Variants in CNIH3 observed in about 807,000 individuals in gnomAD.
CNIH3 encodes protein cornichon homolog 3.
CNIH3 carries 14 observed loss-of-function variants against 24.1 expected under a neutral mutation model. The ratio of observed to expected loss-of-function variants is 0.58; its 90% CI spans 0.38 to 0.91. CNIH3 has a LOEUF of 0.91. Among genes scored for constraint, CNIH3 ranks in the 40% least tolerant of loss-of-function variants. The pLI is 0.00. For missense variants in CNIH3, 178 were observed against 196.8 expected, an observed-to-expected ratio of 0.90 and a Z score of 0.57; for synonymous variants, 68 against 73.8, an observed-to-expected ratio of 0.92 and a Z score of 0.40.
chr1:224,629,181 G>T (rs1247704028), intron 1 of CNIH3, among the ~76,000 whole-genome samples: 1 of 151,798 alleles, frequency 6.6e-6, no homozygotes, highest in Non-Finnish European at 1.5e-5. Context: ...TAATTTTTTT[G>T]TATTTTTAAT....
intron 2 of CNIH3, among the ~76,000 whole-genome samples, chr1:224,531,370 G>A (rs1442416895): frequency 6.6e-6 from 1 of 152,180 alleles, no homozygotes; most frequent in African/African-American, 2.4e-5. Context: ...TTATGAAGAG[G>A]TGCACTGTGT....
chr1:224,554,647 G>A (rs746131874), intron 3 of CNIH3, among the ~76,000 whole-genome samples: 31 of 151,790 alleles, frequency 2.0e-4, no homozygotes, highest in Non-Finnish European at 3.8e-4. Context: ...GCAGTGGTGT[G>A]ATCACGGCTT....
chr1:224,739,509 C>A lies in CNIH3; in HGVS notation c.*153C>A. Reference sequence around the variant, plus strand: ...AGACTGAATGGGAGCTGGAATCACGCAGCAGCTGGGAGCCGAGTTAACCCT... The same window carrying A: ...AGACTGAATGGGAGCTGGAATCACGAAGCAGCTGGGAGCCGAGTTAACCCT... On this transcript the variant is annotated 3_prime_UTR_variant, in exon 6 of 6. Coordinates refer to ENST00000272133, the MANE Select transcript of CNIH3 (RefSeq NM_152495.2). 7.0e-7 allele frequency: 1 copy of A among 1,427,764 alleles called. No homozygotes were observed. Among genetic ancestry groups the A allele is most frequent in the Non-Finnish European group, 9.5e-7 (1 of 1,054,612 alleles). 88.4% of individuals were successfully genotyped at this position (1,427,764 alleles called of 1,614,324 possible).
In CNIH3 at chr1:224,536,518, C is replaced by T. The variant is rs542231861; in HGVS notation, n.344-418C>T. On this transcript the variant is annotated intron_variant and non_coding_transcript_variant, in intron 2 of 2. Transcript: ENST00000470602. Reference sequence around the variant, plus strand: ...GTTGGTCGGGCTGGTCTCGAACTCCCGACCTCAGGTGATCTGCCCACCTCG... The same window carrying T: ...GTTGGTCGGGCTGGTCTCGAACTCCTGACCTCAGGTGATCTGCCCACCTCG... Among the ~76,000 whole-genome samples the T allele has an allele frequency of 1.4e-3, 219 of 151,956 alleles. 2 individuals carry two copies. The highest frequency in any genetic ancestry group is 1.7e-3 in the Non-Finnish European group (115 of 67,940).
At chr1:224,697,041 C>T (rs969336257) in intron 3 of CNIH3, among the ~76,000 whole-genome samples, 2 of 152,194 alleles carry the variant, frequency 1.3e-5, no homozygotes, top group African/African-American at 4.8e-5. Context: ...AAAGTTTAGT[C>T]AACACGAGAC....
chr1:224,533,041 A>G (rs1679135492), intron 2 of CNIH3, among the ~76,000 whole-genome samples: 1 of 152,172 alleles, frequency 6.6e-6, no homozygotes. Flanking sequence ...GGAGAAATTT[A>G]TGTGGGCTGG....
In CNIH3 at chr1:224,680,940, C is replaced by G. The variant is rs1254100134; in HGVS notation, c.82-18C>G. ...ACTCGTGTGCACTAACACCTCAAAT[C>G]TCTGTATTCTGTTTCAGATAATTGC... is the stretch of plus-strand genomic sequence containing the variant. On this transcript the variant is annotated intron_variant, in intron 1 of 5. Coordinates refer to ENST00000272133, the MANE Select transcript of CNIH3 (RefSeq NM_152495.2). The G allele has an allele frequency of 6.2e-7, 1 of 1,602,948 alleles. No individual in the cohort carries two copies. The highest frequency in any genetic ancestry group is 8.5e-7 in the Non-Finnish European group (1 of 1,170,004).
Position 224,604,639 on chromosome 1 carries a change from CA to C in CNIH3, n.402+38376del, listed in dbSNP as rs1349576724. ...GTTTAGCTAGAGGAGAGCAGAAGGCCAGAGGTGAAAGGAACAAGGACCAGTC... is the reference window on the plus strand; with the variant it reads ...GTTTAGCTAGAGGAGAGCAGAAGGCCGAGGTGAAAGGAACAAGGACCAGTC... On this transcript the variant is annotated intron_variant and non_coding_transcript_variant, in intron 3 of 7. Transcript: ENST00000478120. The surrounding 1 kb of genome is among the most constrained non-coding windows in gnomAD (Gnocchi z 4.4). Among the ~76,000 whole-genome samples, 1 of 152,098 alleles carries C rather than the reference CA, an allele frequency of 6.6e-6. No homozygotes were observed. Among genetic ancestry groups the C allele is most frequent in the Non-Finnish European group, 1.5e-5 (1 of 68,016 alleles).
At chr1:224,503,809 T>C (rs1023908816) in intron 1 of CNIH3, among the ~76,000 whole-genome samples, 3 of 152,204 alleles carry the variant, frequency 2.0e-5, no homozygotes, top group Non-Finnish European at 4.4e-5. Context: ...TGCCAACTAC[T>C]GTGGAATAAC....
At chr1:224,720,011 G>T (rs6426153) in intron 3 of CNIH3, among the ~76,000 whole-genome samples, 79,498 of 151,988 alleles carry the variant, frequency 0.52, 21,428 homozygotes, top group East Asian at 0.79. Flanking sequence ...CATTCGTCTT[G>T]TTCTTGCAGT....
At chr1:224,613,289 C>T (rs1682785744), upstream of CNIH3, among the ~76,000 whole-genome samples, 2 of 152,194 alleles carry the variant, frequency 1.3e-5, no homozygotes, top group South Asian at 4.1e-4. Context: ...GCATGAGCCA[C>T]AGTGCCTGAC....
At chr1:224,542,581 G>A (rs1679552211), downstream of CNIH3, among the ~76,000 whole-genome samples, 1 of 152,172 alleles carries the variant, frequency 6.6e-6, no homozygotes. Flanking sequence ...GAAAATAGCA[G>A]AAACAAATTC....
chr1:224,726,494 A>C (rs980614053), intron 3 of CNIH3, among the ~76,000 whole-genome samples: 8 of 152,238 alleles, frequency 5.3e-5, no homozygotes, highest in Non-Finnish European at 1.0e-4. Context: ...GCGTTTACAC[A>C]GTCCTTACCG....
intron 1 of CNIH3, among the ~76,000 whole-genome samples, chr1:224,675,770 A>G (rs575871815): frequency 2.9e-4 from 44 of 152,324 alleles, no homozygotes; most frequent in African/African-American, 1.1e-3. Context: ...AGCTGTAATG[A>G]TAACTCGACA....
intron 5 of CNIH3, among the ~76,000 whole-genome samples, chr1:224,738,091 T>G (rs1380345222): frequency 6.6e-6 from 1 of 152,220 alleles, no homozygotes; most frequent in East Asian, 1.9e-4. Context: ...GAGACCATGT[T>G]GGTTTCATTC....
chr1:224,542,242 C>G (rs1217895274), downstream of CNIH3, among the ~76,000 whole-genome samples: 1 of 152,196 alleles, frequency 6.6e-6, no homozygotes, highest in Non-Finnish European at 1.5e-5. Context: ...TAAATTCCAT[C>G]TATTTGTAGG....
At chr1:224,588,257 A>T (rs1681595537) in intron 5 of CNIH3, 1 of 152,188 alleles carries the variant, frequency 6.6e-6, no homozygotes, top group Admixed American at 6.5e-5. Flanking sequence ...ATCTCACTGA[A>T]TATTTGTTGA....
intron 3 of CNIH3, among the ~76,000 whole-genome samples, chr1:224,565,149 A>T (rs536653463): frequency 6.6e-6 from 1 of 152,326 alleles, no homozygotes; most frequent in East Asian, 1.9e-4. Flanking sequence ...GTCTCCTCTT[A>T]ATATATAATG....
intron 1 of CNIH3, among the ~76,000 whole-genome samples, chr1:224,620,484 G>A (rs1399832797): frequency 1.3e-5 from 2 of 152,176 alleles, no homozygotes; most frequent in Non-Finnish European, 2.9e-5. Context: ...TGAAATTTTA[G>A]AGTTGGAATT....
Sources: allele counts gnomAD v4.1 joint callset (sites outside exome capture counted in the v4.1 genomes callset), GRCh38; gene constraint gnomAD v4.1.1; non-coding constraint Gnocchi (gnomAD v3.1); transcripts MANE v1.5; gene names NCBI Gene and HGNC (gene_info 2026-07-23, HGNC 2026-07-21).